NFXL1: variants seen among roughly 807,000 people sequenced by gnomAD.
The protein encoded by NFXL1 is nuclear transcription factor, X-box binding like 1.
A neutral mutation model predicts 123.3 loss-of-function variants in NFXL1; 66 were observed. The ratio of observed to expected loss-of-function variants is 0.54; its 90% confidence interval spans 0.44 to 0.66. The LOEUF is 0.66. Ranked by LOEUF, NFXL1 falls within the 30% of genes least tolerant of loss-of-function variation. The pLI, the probability that NFXL1 is intolerant of heterozygous loss-of-function variation, is 0.00. For missense variants in NFXL1, 944 were observed against 1,125.6 expected, an observed-to-expected ratio of 0.84 and a Z score of 2.31; for synonymous variants, 346 against 360.8, an observed-to-expected ratio of 0.96 and a Z score of 0.46.
Position 47,885,663 on chromosome 4 carries a change from T to A in NFXL1, c.1665-6A>T, listed in dbSNP as rs777130628. ...GATGACAAGTTGGTGGTCGACTAAA[T>A]CATAAAGTACAATTTTCAAAAATTA... is the stretch of plus-strand genomic sequence containing the variant. On this transcript the variant is annotated splice_region_variant and splice_polypyrimidine_tract_variant and intron_variant, in intron 13 of 22. Transcript: ENST00000507489. 1 of 1,610,304 alleles carries A rather than the reference T, an allele frequency of 6.2e-7. No homozygotes were observed. Among genetic ancestry groups the A allele is most frequent in the Non-Finnish European group, 8.5e-7 (1 of 1,177,350 alleles).
intron 11 of NFXL1, among the ~76,000 whole-genome samples, chr4:47,891,724 T>C (rs1180128928): frequency 6.6e-6 from 1 of 152,104 alleles, no homozygotes; most frequent in Admixed American, 6.5e-5. Context: ...TATATAAAAA[T>C]AGCTAAAAAC....
intron 5 of NFXL1, 25 bp downstream of exon 5, chr4:47,903,168 A>C (rs370408563): frequency 9.2e-6 from 14 of 1,522,552 alleles, no homozygotes; most frequent in South Asian, 2.4e-5. Flanking sequence ...TAATAATAAT[A>C]ATCCAACTAA....
At chr4:47,887,201 G>A (rs1283965906) in intron 12 of NFXL1, among the ~76,000 whole-genome samples, 2 of 152,072 alleles carry the variant, frequency 1.3e-5, no homozygotes, top group Admixed American at 1.3e-4. Flanking sequence ...TCCCAGTAAG[G>A]AACTCTATCA....
intron 17 of NFXL1, among the ~76,000 whole-genome samples, chr4:47,877,677 CAT>C (rs1283312732): frequency 7.9e-5 from 12 of 151,936 alleles, no homozygotes; most frequent in Admixed American, 2.0e-4. Context: ...TACATTTACA[CAT>C]GTTTGCACAT....
chr4:47,868,267 C>T (rs1431277188), intron 18 of NFXL1, among the ~76,000 whole-genome samples: 1 of 149,780 alleles, frequency 6.7e-6, no homozygotes, highest in African/African-American at 2.5e-5. Flanking sequence ...TGCAGTGAGC[C>T]GAGATCGCAC....
chr4:47,891,901 C>T (rs1736793715), intron 11 of NFXL1, among the ~76,000 whole-genome samples: 1 of 151,384 alleles, frequency 6.6e-6, no homozygotes, highest in Admixed American at 6.6e-5. Flanking sequence ...CACACCACTG[C>T]ACTCCAGCCT....
intron 16 of NFXL1, 66 bp from the exon 17 acceptor site, chr4:47,878,731 T>A: frequency 2.5e-6 from 3 of 1,183,218 alleles, no homozygotes; most frequent in Non-Finnish European, 2.3e-6. Context: ...ATTATATGTT[T>A]CCAAAATTAC....
In NFXL1 at chr4:47,897,989, C is replaced by T. The variant is rs766506772; in HGVS notation, c.1182G>A (p.Arg394=). The change falls in exon 9 of 23, where the codon AGG becomes AGA. Residue 394 remains arginine, a synonymous_variant. Transcript: ENST00000507489. ...ACGECPRSGK[R]FCPCQKSKFS... is the part of the protein sequence containing the mutation. Reference sequence around the variant, plus strand: ...TACTTGATTTCTGACATGGACAGAACCTTTTCCCAGATCGAGGACATTCTC... The same window carrying T: ...TACTTGATTTCTGACATGGACAGAATCTTTTCCCAGATCGAGGACATTCTC... 6.2e-7 allele frequency: 1 copy of T among 1,609,316 alleles called. No homozygotes were observed. The highest frequency in any genetic ancestry group is 1.3e-5 in the African/African-American group (1 of 74,804).
rs1737422006 is a variant in NFXL1, at chr4:47,903,196, G to A, written c.644C>T (p.Pro215Leu). The A allele has an allele frequency of 1.3e-6, 2 of 1,577,918 alleles. No individual in the cohort carries two copies. The highest frequency in any genetic ancestry group is 1.7e-6 in the Non-Finnish European group (2 of 1,165,828). The change falls in exon 5 of 23, where the codon CCT becomes CTT. Residue 215 changes from proline to leucine, a missense_variant. Transcript: ENST00000507489. ...CCAACTAATTAGAAAAAGTTACCAA[G>A]GCCAGGGACAATCTTTCTTTCCAAA... ...DDFGKKDCPW[P>L]CPKCRFEYKR...
chr4:47,887,166 T>C (rs1367593821), intron 12 of NFXL1, among the ~76,000 whole-genome samples: 1 of 152,200 alleles, frequency 6.6e-6, no homozygotes, highest in Non-Finnish European at 1.5e-5. Flanking sequence ...GTCATCATCT[T>C]AAGGGCTTTC....
At chr4:47,896,999 C>T (rs1397608579) in intron 9 of NFXL1, among the ~76,000 whole-genome samples, 1 of 152,120 alleles carries the variant, frequency 6.6e-6, no homozygotes, top group South Asian at 2.1e-4. Context: ...TGAACTACCC[C>T]ACAAAGACAA....
chr4:47,909,659 C>CT (rs201359763), intron 3 of NFXL1, among the ~76,000 whole-genome samples: 11,323 of 143,568 alleles, frequency 0.079, 640 homozygotes, highest in East Asian at 0.32. Context: ...TTCTTTCTTT[C>CT]TTTTTTTTTT....
chr4:47,852,985 T>C (rs1226749578), intron 20 of NFXL1, among the ~76,000 whole-genome samples: 1 of 151,842 alleles, frequency 6.6e-6, no homozygotes, highest in Non-Finnish European at 1.5e-5. Flanking sequence ...TTTTATTCCT[T>C]AGTTCTTCAT....
intron 12 of NFXL1, among the ~76,000 whole-genome samples, chr4:47,887,130 C>CTTAA (rs1242538104): frequency 6.6e-6 from 1 of 152,098 alleles, no homozygotes; most frequent in African/African-American, 2.4e-5. Flanking sequence ...TTAAAGCAGG[C>CTTAA]TATAAAGTTC....
At chr4:47,911,311 G>A (rs1737818880) in intron 2 of NFXL1, among the ~76,000 whole-genome samples, 1 of 152,058 alleles carries the variant, frequency 6.6e-6, no homozygotes, top group Non-Finnish European at 1.5e-5. Context: ...TTCAAAATAA[G>A]GACTAACAAA....
At position 47,885,573 on chromosome 4, in the gene NFXL1, T is replaced by C; in HGVS notation, c.1749A>G (p.Gln583=). 6.2e-7 allele frequency: 1 copy of C among 1,614,020 alleles called. No homozygotes were observed. The highest frequency in any genetic ancestry group is 1.3e-5 in the African/African-American group (1 of 75,044). ...AGTGACCACATTTCTCCAAAACTTT[T>C]TGGCAAGGTTGATGACATGGTGGAC... is the stretch of plus-strand genomic sequence containing the variant. ...GSCPPCHQPC[Q]KVLEKCGHLC... The change falls in exon 14 of 23, where the codon CAA becomes CAG. Residue 583 remains glutamine, a synonymous_variant. Coordinates refer to ENST00000507489, the MANE Select transcript of NFXL1 (RefSeq NM_001278624.2).
At chr4:47,895,317 G>T (rs192286499) in intron 10 of NFXL1, among the ~76,000 whole-genome samples, 1 of 152,272 alleles carries the variant, frequency 6.6e-6, no homozygotes. Flanking sequence ...CCCTTAAGAA[G>T]AAAGTCAGCC....
chr4:47,910,640 T>C (rs1210662321), intron 3 of NFXL1, among the ~76,000 whole-genome samples, 184 bp downstream of exon 3: 2 of 152,174 alleles, frequency 1.3e-5, no homozygotes, highest in Non-Finnish European at 1.5e-5. Flanking sequence ...ATTTGCTTTA[T>C]AGAAAAATTA....
Position 47,890,509 on chromosome 4 carries a change from G to A in NFXL1, c.1543+104C>T, listed in dbSNP as rs535498186. The A allele has an allele frequency of 5.8e-5, 38 of 650,010 alleles. No individual in the cohort carries two copies. The African/African-American group carries it at 7.0e-4, about 12-fold the overall frequency. 40.3% of individuals were successfully genotyped at this position (650,010 alleles called of 1,614,324 possible). ...GGTTAAGAGAGTCAAGTGAGATAAT[G>A]ACTATAAAACGCTATTTCAATACAT... is the stretch of plus-strand genomic sequence containing the variant. On this transcript the variant is annotated intron_variant, in intron 12 of 22. Transcript: ENST00000507489.
Sources: allele counts gnomAD v4.1 joint callset (sites outside exome capture counted in the v4.1 genomes callset), GRCh38; gene constraint gnomAD v4.1.1; transcripts MANE v1.5; gene names NCBI Gene and HGNC (gene_info 2026-07-23, HGNC 2026-07-21).